The following SCN10A variants were observed in gnomAD, a reference collection of about 807,000 sequenced individuals.
SCN10A encodes the protein sodium voltage-gated channel alpha subunit 10.
In SCN10A, 162 loss-of-function variants were observed where a neutral mutation model predicts 170.7. The ratio of observed to expected loss-of-function variants is 0.95; its 90% CI spans 0.84 to 1.08. The LOEUF (loss-of-function observed/expected upper bound fraction) is 1.08. SCN10A is among the 50% of genes least tolerant of loss of function. The pLI is 0.00. For synonymous variants in SCN10A, 985 were observed against 904.6 expected (o/e 1.09, Z -1.59); for missense variants, 2,527 against 2,436.9 (o/e 1.04, Z -0.78).
At chr3:38,742,583 C>T in intron 13 of SCN10A, 54 bp from the exon 14 acceptor site, 1 of 1,386,144 alleles carries the variant, frequency 7.2e-7, no homozygotes, top group Non-Finnish European at 1.0e-6. Flanking sequence ...CCTTGGACCC[C>T]AATTCTGCGG....
chr3:38,750,785 A>G (rs549028107), intron 12 of SCN10A, among the ~76,000 whole-genome samples: 1 of 152,384 alleles, frequency 6.6e-6, no homozygotes, highest in Non-Finnish European at 1.5e-5. Flanking sequence ...TAATTTAACT[A>G]GAATGAATCA....
At position 38,697,943 on chromosome 3, in the gene SCN10A, A is replaced by G; in HGVS notation, c.5277T>C (p.Ile1759=). 1 of 1,614,152 alleles carries G rather than the reference A, an allele frequency of 6.2e-7. No homozygotes were observed. Among genetic ancestry groups the G allele is most frequent in the Non-Finnish European group, 8.5e-7 (1 of 1,180,028 alleles). Residue 1759 remains isoleucine (I), a synonymous_variant, in exon 28 of 28, where the codon ATT becomes ATC. Coordinates refer to ENST00000449082, the MANE Select transcript of SCN10A (RefSeq NM_006514.4). ...CAAAGTCCGAGAGAGCAGAAAAGGT[A>G]ATAAACTGAGTGGCCTCTGGGTCAA... ...EKFDPEATQF[I]TFSALSDFAD...
In SCN10A at chr3:38,780,202, A is replaced by G. The variant is rs181280574; in HGVS notation, c.470+8754T>C. 2.6e-5 allele frequency among the ~76,000 whole-genome samples: 4 copies of G among 152,112 alleles called. No individual in the cohort carries two copies. The East Asian group carries it at 7.7e-4, about 29-fold the overall frequency. Reference sequence around the variant, plus strand: ...ATTTGTTGCAAAGATATAGATTACTATCGTCTTTAATATTAATATGTCTGT... The same window carrying G: ...ATTTGTTGCAAAGATATAGATTACTGTCGTCTTTAATATTAATATGTCTGT... On this transcript the variant is annotated intron_variant, in intron 4 of 27. Transcript: ENST00000449082.
rs557011350 is a variant in SCN10A, at chr3:38,725,073, T to C, written c.3228+101A>G. 6.9e-5 allele frequency: 80 copies of C among 1,162,738 alleles called. No individual in the cohort carries two copies. The African/African-American group carries it at 1.1e-3, about 16-fold the overall frequency. 72.0% of individuals were successfully genotyped at this position (1,162,738 alleles called of 1,614,324 possible). A position where few individuals can be genotyped will look rare whatever the true frequency, so the allele number is the denominator to read the frequency against. On this transcript the variant is annotated intron_variant, in intron 18 of 27. Transcript: ENST00000449082. The stretch of plus-strand genomic sequence containing the variant: ...AATGAGGTTATGTGATTGAGTGCAG[T>C]CTGGAATACCCCACCTTCACCGCCA...
intron 11 of SCN10A, 105 bp from the exon 12 acceptor site, chr3:38,752,617 T>C (rs993642188): frequency 1.6e-5 from 15 of 917,824 alleles, no homozygotes; most frequent in Middle Eastern, 3.0e-4. Context: ...CCCCTGTCTT[T>C]ATGACCTTTC....
chr3:38,757,996 C>T (rs530404498), intron 8 of SCN10A, among the ~76,000 whole-genome samples: 1 of 152,270 alleles, frequency 6.6e-6, no homozygotes, highest in East Asian at 1.9e-4. Context: ...AGCAATGCCT[C>T]GTTTGAAGTC....
At chr3:38,758,426 A>AGGG (rs1037696734) in intron 8 of SCN10A, among the ~76,000 whole-genome samples, 2 of 152,240 alleles carry the variant, frequency 1.3e-5, no homozygotes, top group African/African-American at 4.8e-5. Context: ...AGATCACTGT[A>AGGG]TAGTGTCTTG....
At chr3:38,758,770 C>G (rs917494369) in intron 8 of SCN10A, among the ~76,000 whole-genome samples, 1 of 152,178 alleles carries the variant, frequency 6.6e-6, no homozygotes, top group Non-Finnish European at 1.5e-5. Context: ...TCCACTCCCC[C>G]ACTGCCTGGC....
intron 8 of SCN10A, among the ~76,000 whole-genome samples, chr3:38,758,754 G>A (rs992820274): frequency 2.0e-5 from 3 of 152,164 alleles, no homozygotes; most frequent in Non-Finnish European, 2.9e-5. Flanking sequence ...TGCCATCCCA[G>A]CCTGGTCCAC....
chr3:38,757,165 G>C lies in SCN10A; in HGVS notation c.951-6C>G. 6.3e-7 allele frequency: 1 copy of C among 1,591,038 alleles called. No homozygotes were observed. Among genetic ancestry groups the C allele is most frequent in the Non-Finnish European group, 8.5e-7 (1 of 1,169,938 alleles). On this transcript the variant is annotated splice_region_variant and splice_polypyrimidine_tract_variant and intron_variant, in intron 8 of 27. Coordinates refer to ENST00000449082, the MANE Select transcript of SCN10A (RefSeq NM_006514.4). ...TATAACCATCAGGGCAGTGGCTGCAGCAAGAACAGAGAAGGTCATCCCCTG... is the reference window on the plus strand; with the variant it reads ...TATAACCATCAGGGCAGTGGCTGCACCAAGAACAGAGAAGGTCATCCCCTG...
chr3:38,730,311 C>G (rs796298037), intron 15 of SCN10A, among the ~76,000 whole-genome samples: 13 of 152,298 alleles, frequency 8.5e-5, no homozygotes, highest in African/African-American at 2.9e-4. Context: ...AGGATTTTAT[C>G]TGGAATTCAC....
chr3:38,718,861 C>T (rs1463931700), intron 20 of SCN10A, 35 bp from the exon 21 acceptor site: 3 of 1,604,172 alleles, frequency 1.9e-6, no homozygotes, highest in Non-Finnish European at 2.6e-6. Flanking sequence ...TGGCAGGCTG[C>T]CTGGACCCAC....
At chr3:38,712,103 T>C (rs924279720) in intron 23 of SCN10A, 58 bp downstream of exon 23, 2 of 1,557,014 alleles carry the variant, frequency 1.3e-6, no homozygotes, top group African/African-American at 2.7e-5. Context: ...GAACCTAGAC[T>C]CTCCATTTTA....
At chr3:38,796,959 T>C (rs1290601563) in intron 1 of SCN10A, among the ~76,000 whole-genome samples, 1 of 152,052 alleles carries the variant, frequency 6.6e-6, no homozygotes, top group Non-Finnish European at 1.5e-5. Context: ...GAATAGATAG[T>C]TGTTGCATGA....
chr3:38,760,016 G>C (rs2063851443), intron 8 of SCN10A, among the ~76,000 whole-genome samples: 2 of 152,126 alleles, frequency 1.3e-5, no homozygotes, highest in African/African-American at 2.4e-5. Context: ...ATAAGTATTG[G>C]TTCCTTCCTG....
chr3:38,736,005 A>C lies in SCN10A; in HGVS notation c.2280+3510T>G, dbSNP rs533447134. Among the ~76,000 whole-genome samples the C allele has an allele frequency of 7.2e-5, 11 of 152,330 alleles. No individual in the cohort carries two copies. In the South Asian group the frequency reaches 2.3e-3, roughly 32 times the overall value. On this transcript the variant is annotated intron_variant, in intron 15 of 27. Transcript: ENST00000449082. ...TAATTTGATGAAGGAATCCAACTTT[A>C]GATAGTGTGGTTGGGGAGGTCCCCT...
chr3:38,736,036 G>A (rs2063556784), intron 15 of SCN10A, among the ~76,000 whole-genome samples: 1 of 152,212 alleles, frequency 6.6e-6, no homozygotes, highest in Non-Finnish European at 1.5e-5. Flanking sequence ...CCCCTCTAAG[G>A]AGGTGACAAG....
In SCN10A at chr3:38,729,973, G is replaced by T. The variant is rs6780103; in HGVS notation, c.2281-1072C>A. 2.8e-3 allele frequency among the ~76,000 whole-genome samples: 419 copies of T among 152,172 alleles called. 3 individuals are homozygous for T. The highest frequency in any genetic ancestry group is 4.4e-3 in the Non-Finnish European group (296 of 67,994). On this transcript the variant is annotated intron_variant, in intron 15 of 27. Coordinates refer to ENST00000449082, the MANE Select transcript of SCN10A (RefSeq NM_006514.4). ...CGTTCACCTTACACCCAATCTGGAA[G>T]TTACTCTCCTCATATGGGAAGCAGA... is the stretch of plus-strand genomic sequence containing the variant.
chr3:38,776,744 C>T (rs1053691067), intron 4 of SCN10A, among the ~76,000 whole-genome samples: 1 of 151,960 alleles, frequency 6.6e-6, no homozygotes, highest in African/African-American at 2.4e-5. Context: ...TTCCCAGGGA[C>T]AATTGAGGAG....
Sources: allele counts gnomAD v4.1 joint callset (sites outside exome capture counted in the v4.1 genomes callset), GRCh38; gene constraint gnomAD v4.1.1; transcripts MANE v1.5; gene names NCBI Gene and HGNC (gene_info 2026-07-23, HGNC 2026-07-21).